LRP12: variants seen among roughly 807,000 people sequenced by gnomAD.
LRP12 encodes the protein LDL receptor related protein 12.
In LRP12, 14 loss-of-function variants were observed where a neutral mutation model predicts 66.0. That is an observed-to-expected ratio of 0.21 (90% CI 0.14 to 0.33). The LOEUF (loss-of-function observed/expected upper bound fraction) is 0.33, where lower values mean the gene tolerates loss of function less well. Ranked by LOEUF, LRP12 falls within the 10% of genes least tolerant of loss-of-function variation. The probability of loss-of-function intolerance (pLI) is 1.00; values close to 1 mark genes in which losing one functional copy is unlikely to be tolerated. For synonymous variants in LRP12, 357 were observed against 359.1 expected (o/e 0.99, Z 0.07); for missense variants, 889 against 1,053.4 (o/e 0.84, Z 2.16).
intron 3 of LRP12, among the ~76,000 whole-genome samples, chr8:104,503,700 C>T (rs1467857789): frequency 6.6e-6 from 1 of 152,110 alleles, no homozygotes; most frequent in Non-Finnish European, 1.5e-5. Flanking sequence ...ACAGTACTTT[C>T]ATACAATTTA....
intron 1 of LRP12, among the ~76,000 whole-genome samples, chr8:104,538,427 C>G (rs1332488606): frequency 2.0e-5 from 3 of 152,080 alleles, no homozygotes; most frequent in Non-Finnish European, 4.4e-5. Flanking sequence ...ATCCTCTTCT[C>G]CCTCTATCTT....
At chr8:104,505,683 G>C (rs531796398) in intron 3 of LRP12, 1 of 152,088 alleles carries the variant, frequency 6.6e-6, no homozygotes, top group Non-Finnish European at 1.5e-5. Flanking sequence ...GATTACAGGC[G>C]TGAGCCACCA....
chr8:104,532,914 CCTG>C (rs1811347046), intron 1 of LRP12, among the ~76,000 whole-genome samples: 1 of 152,000 alleles, frequency 6.6e-6, no homozygotes, highest in African/African-American at 2.4e-5. Flanking sequence ...TGAGGGATGT[CCTG>C]ATGATTAAAA....
intron 1 of LRP12, among the ~76,000 whole-genome samples, chr8:104,538,826 T>C (rs13266739): frequency 0.069 from 10,534 of 152,252 alleles, 415 homozygotes; most frequent in South Asian, 0.08. Flanking sequence ...TAGTGTACTT[T>C]AGCAACTACG....
chr8:104,510,437 T>G (rs986757563), intron 2 of LRP12, among the ~76,000 whole-genome samples: 3 of 152,194 alleles, frequency 2.0e-5, no homozygotes, highest in Non-Finnish European at 4.4e-5. Context: ...TTCATGCATA[T>G]AGAATAAATT....
chr8:104,517,833 C>CA (rs1420909554), intron 2 of LRP12, among the ~76,000 whole-genome samples: 6 of 151,906 alleles, frequency 3.9e-5, no homozygotes, highest in African/African-American at 1.5e-4. Context: ...TAAAGAAACC[C>CA]ACCATCTCCA....
intron 4 of LRP12, among the ~76,000 whole-genome samples, chr8:104,498,322 AC>A (rs1414288313): frequency 6.6e-6 from 1 of 152,086 alleles, no homozygotes; most frequent in Non-Finnish European, 1.5e-5. Context: ...TCAATCCATC[AC>A]CTAGGTATTA....
At chr8:104,571,686 T>C (rs1274216635) in intron 1 of LRP12, among the ~76,000 whole-genome samples, 1 of 152,200 alleles carries the variant, frequency 6.6e-6, no homozygotes, top group Non-Finnish European at 1.5e-5. Context: ...AGGCAGTTCT[T>C]TACAGCAGTG....
intron 2 of LRP12, among the ~76,000 whole-genome samples, chr8:104,529,439 A>T (rs1249741364): frequency 6.6e-6 from 1 of 152,062 alleles, no homozygotes; most frequent in Non-Finnish European, 1.5e-5. Context: ...AATTCAGAAG[A>T]AAAAAAAGAT....
chr8:104,556,478 A>C (rs1811810151), intron 1 of LRP12, among the ~76,000 whole-genome samples: 1 of 152,206 alleles, frequency 6.6e-6, no homozygotes, highest in Non-Finnish European at 1.5e-5. Context: ...ATATCACAGA[A>C]ATACAAAAGA....
intron 1 of LRP12, among the ~76,000 whole-genome samples, chr8:104,564,786 A>C (rs893790222): frequency 2.0e-5 from 3 of 152,060 alleles, no homozygotes; most frequent in African/African-American, 7.2e-5. Context: ...TCCAAAAATT[A>C]GCTGGGCATG....
intron 1 of LRP12, among the ~76,000 whole-genome samples, chr8:104,569,857 C>A (rs1450563851): frequency 6.6e-6 from 1 of 151,958 alleles, no homozygotes; most frequent in Non-Finnish European, 1.5e-5. Context: ...AGTTGGGAAA[C>A]ACAAAAATAA....
Position 104,490,519 on chromosome 8 carries a change from G to A in LRP12, c.*154C>T, listed in dbSNP as rs1299540332. 3 of 766,420 alleles carry A rather than the reference G, an allele frequency of 3.9e-6. No individual in the cohort carries two copies. Among genetic ancestry groups the A allele is most frequent in the Non-Finnish European group, 4.1e-6 (2 of 489,538 alleles). The allele number at this position is 766,420 out of a possible 1,614,324, so 47.5% of individuals were successfully genotyped here. A position where few individuals can be genotyped will look rare whatever the true frequency, so the allele number is the denominator to read the frequency against. ...AAACTCTAAGTTCATAGAGTTACAA[G>A]TTGTCGAATTTAACCATGCAGGCTA... On this transcript the variant is annotated 3_prime_UTR_variant, in exon 7 of 7. Coordinates refer to ENST00000276654, the MANE Select transcript of LRP12 (RefSeq NM_013437.5).
At chr8:104,525,658 C>T (rs1372006830) in intron 2 of LRP12, among the ~76,000 whole-genome samples, 1 of 152,032 alleles carries the variant, frequency 6.6e-6, no homozygotes, top group Non-Finnish European at 1.5e-5. Flanking sequence ...TCATTATTTG[C>T]CATAATGTGC....
intron 2 of LRP12, among the ~76,000 whole-genome samples, chr8:104,522,600 T>C (rs1238120822): frequency 2.0e-5 from 3 of 152,120 alleles, no homozygotes; most frequent in East Asian, 1.9e-4. Context: ...TCAGCTGTCA[T>C]TAAAAGGTAG....
At chr8:104,556,171 A>G (rs1004942035) in intron 1 of LRP12, among the ~76,000 whole-genome samples, 1 of 152,216 alleles carries the variant, frequency 6.6e-6, no homozygotes, top group African/African-American at 2.4e-5. Flanking sequence ...GCTATGAGGA[A>G]AATTCATAAC....
intron 1 of LRP12, among the ~76,000 whole-genome samples, chr8:104,568,861 T>C (rs148195864): frequency 1.3e-5 from 2 of 152,094 alleles, no homozygotes; most frequent in East Asian, 1.9e-4. Flanking sequence ...TGGAAAAGAG[T>C]TTGGAGTTCC....
intron 1 of LRP12, among the ~76,000 whole-genome samples, chr8:104,542,046 CTA>C (rs953491282): frequency 2.0e-5 from 3 of 152,050 alleles, no homozygotes; most frequent in African/African-American, 7.2e-5. Flanking sequence ...TATGGTATCC[CTA>C]TGTTTTCCTT....
chr8:104,572,300 G>T (rs1268226108), intron 1 of LRP12, among the ~76,000 whole-genome samples: 4 of 152,176 alleles, frequency 2.6e-5, no homozygotes, highest in African/African-American at 4.8e-5. Context: ...TTTTCTGGGG[G>T]TGATGAACTG....
Sources: allele counts gnomAD v4.1 joint callset (sites outside exome capture counted in the v4.1 genomes callset), GRCh38; gene constraint gnomAD v4.1.1; transcripts MANE v1.5; gene names NCBI Gene and HGNC (gene_info 2026-07-23, HGNC 2026-07-21).